The following MACF1 variants were observed in gnomAD, a reference collection of about 807,000 sequenced individuals.
The protein encoded by MACF1 is microtubule-actin cross-linking factor 1.
A neutral mutation model predicts 854.8 loss-of-function variants in MACF1; 193 were observed. The ratio of observed to expected loss-of-function variants is 0.23; its 90% confidence interval spans 0.20 to 0.25. The LOEUF is 0.25. MACF1 is among the 10% of genes least tolerant of loss of function. The pLI, the probability that MACF1 is intolerant of heterozygous loss-of-function variation, is 1.00. For synonymous variants in MACF1, 3,185 were observed against 3,226.7 expected (o/e 0.99, Z 0.44); for missense variants, 7,722 against 8,929.1 (o/e 0.86, Z 5.45).
In MACF1 at chr1:39,460,792, C is replaced by T; in HGVS notation, c.21521C>T (p.Ser7174Phe). 1 of 1,614,104 alleles carries T rather than the reference C, an allele frequency of 6.2e-7. No homozygotes were observed. Among genetic ancestry groups the T allele is most frequent in the Non-Finnish European group, 8.5e-7 (1 of 1,179,974 alleles). Residue 7174 changes from serine to phenylalanine, a missense_variant and splice_region_variant, in exon 92 of 101, where the codon TCC (serine) becomes TTC (phenylalanine). Ser to Phe is a radical substitution (Grantham distance 155, BLOSUM62 -2). Around this residue, in one of 15 missense-constraint regions of MACF1, gnomAD observed 153 missense variants for 342.5 expected, o/e 0.45. Transcript: ENST00000564288. The surrounding 1 kb of genome is among the most constrained non-coding windows in gnomAD (Gnocchi z 4.1). ...RQEFIDGILA[S>F]KFPTTKLEMT... ...GAGTTTATCGATGGCATTTTAGCAT[C>T]CAGTGAGTCTAGTCATCATTCCAAA...
In MACF1 at chr1:39,433,318, C is replaced by T. The variant is rs547910556; in HGVS notation, c.17565+163C>T. 5.3e-5 allele frequency among the ~76,000 whole-genome samples: 8 copies of T among 152,276 alleles called. No individual in the cohort carries two copies. In the South Asian group the frequency reaches 1.7e-3, roughly 32 times the overall value. On this transcript the variant is annotated intron_variant, in intron 68 of 100. Transcript: ENST00000564288. ...TTCTGGGGAATTCAGAATCTTAACC[C>T]TGTGTCCACAAATGTTTAAAACAGC...
chr1:39,412,880 TTGC>T (rs1275307704), intron 58 of MACF1: 1 of 1,608,028 alleles, frequency 6.2e-7, no homozygotes, highest in South Asian at 1.1e-5. Flanking sequence ...ACTGCTGTAG[TTGC>T]TGCTTTAGTG....
At chr1:39,188,395 G>A (rs534562915) in intron 2 of MACF1, among the ~76,000 whole-genome samples, 101 of 152,200 alleles carry the variant, frequency 6.6e-4, no homozygotes, top group African/African-American at 2.4e-3. Context: ...GCAACAGAGT[G>A]AGACCCTGTC....
At chr1:39,190,121 T>C (rs1644231922) in intron 2 of MACF1, among the ~76,000 whole-genome samples, 2 of 152,180 alleles carry the variant, frequency 1.3e-5, no homozygotes, top group African/African-American at 4.8e-5. Flanking sequence ...AAATCTGATA[T>C]GTGCTTATTT....
rs1322246837 is a variant in MACF1 at position 39,284,348 on chromosome 1, T to C, written c.1051T>C (p.Tyr351His). The C allele has an allele frequency of 1.3e-6, 2 of 1,598,126 alleles. No individual in the cohort carries two copies. The highest frequency in any genetic ancestry group is 1.7e-6 in the Non-Finnish European group (2 of 1,174,626). The change falls in exon 11 of 101, where the codon TAT becomes CAT. Residue 351 changes from tyrosine (Y) to histidine (H), a missense_variant. Transcript: ENST00000564288. ...PVELKALYNQ[Y>H]IHFKETEILA... ...AATTTTATAGGCACTTTATAACCAA[T>C]ATATACACTTCAAAGAAACAGAAAT...
At chr1:39,439,894 C>A (rs1644064053) in intron 72 of MACF1, among the ~76,000 whole-genome samples, 1 of 152,086 alleles carries the variant, frequency 6.6e-6, no homozygotes, top group Non-Finnish European at 1.5e-5. Context: ...GCGTGAGCCA[C>A]CACTCCAGGC....
At position 39,084,316 on chromosome 1, in the gene MACF1, G is replaced by T; in HGVS notation, c.98G>T (p.Ser33Ile). Reference sequence around the variant, plus strand: ...TCTTACAGGAGCGAGCGGTCGGGGAGCCTGTCTCCCTGTCCCCCAGGGGAC... The same window carrying T: ...TCTTACAGGAGCGAGCGGTCGGGGATCCTGTCTCCCTGTCCCCCAGGGGAC... The change falls in exon 2 of 94, where the codon AGC becomes ATC. Residue 33 changes from serine (S) to isoleucine (I), a missense_variant. Ser to Ile is a moderately radical substitution (Grantham distance 142). Transcript: ENST00000361689. This position sits in a 1 kb window ranked among gnomAD's most constrained non-coding sequence, Gnocchi z 5.2. 1 of 1,614,064 alleles carries T rather than the reference G, an allele frequency of 6.2e-7. No homozygotes were observed. Among genetic ancestry groups the T allele is most frequent in the Non-Finnish European group, 8.5e-7 (1 of 1,180,042 alleles).
chr1:39,471,123 T>C (rs1393286525), intron 97 of MACF1, among the ~76,000 whole-genome samples: 1 of 146,612 alleles, frequency 6.8e-6, no homozygotes, highest in East Asian at 2.0e-4. Context: ...TCTCAATCCA[T>C]TGACTGTGGA....
chr1:39,165,424 C>G (rs1431175320), intron 2 of MACF1, among the ~76,000 whole-genome samples: 2 of 152,168 alleles, frequency 1.3e-5, no homozygotes, highest in Admixed American at 1.3e-4. Flanking sequence ...TTTAGGCTTA[C>G]TGCATGTCAC....
At position 39,409,351 on chromosome 1, in the gene MACF1, C is replaced by T. The variant is rs1331124927; in HGVS notation, c.15817-13023C>T. Among the ~76,000 whole-genome samples the T allele has an allele frequency of 6.6e-6, 1 of 152,080 alleles. No individual in the cohort carries two copies. Among genetic ancestry groups the T allele is most frequent in the African/African-American group, 2.4e-5 (1 of 41,432 alleles). Reference sequence around the variant, plus strand: ...GCCCACAGCACTCGGGACTCAGCTGCCGGAGGGACAAACTAACTTCCTGAG... The same window carrying T: ...GCCCACAGCACTCGGGACTCAGCTGTCGGAGGGACAAACTAACTTCCTGAG... On this transcript the variant is annotated intron_variant, in intron 58 of 100. Coordinates refer to ENST00000564288, the MANE Select transcript of MACF1 (RefSeq NM_001394062.1). The surrounding 1 kb of genome is among the most constrained non-coding windows in gnomAD (Gnocchi z 4.2).
At chr1:39,258,473 A>G (rs538477948) in intron 6 of MACF1, among the ~76,000 whole-genome samples, 8 of 152,322 alleles carry the variant, frequency 5.3e-5, no homozygotes, top group Non-Finnish European at 7.3e-5. Context: ...GTTAATTAGA[A>G]TACTTTAGTA....
chr1:39,252,497 G>A (rs994992463), intron 4 of MACF1, among the ~76,000 whole-genome samples: 4 of 152,088 alleles, frequency 2.6e-5, no homozygotes, highest in African/African-American at 9.7e-5. Context: ...TGTTCTTAGG[G>A]TATTTATTTT....
At position 39,334,136 on chromosome 1, in the gene MACF1, T is replaced by C; in HGVS notation, c.7548T>C (p.Leu2516=). 3.1e-6 allele frequency: 5 copies of C among 1,614,138 alleles called. No individual in the cohort carries two copies. The highest frequency in any genetic ancestry group is 3.4e-6 in the Non-Finnish European group (4 of 1,180,016). The change falls in exon 37 of 101, where the codon CTT becomes CTC. Residue 2516 remains leucine, a synonymous_variant. Transcript: ENST00000564288. ...TTCACCATATATCTGGGATGAGACTTTCTGTTGATAATGCCTTCAGACATG... is the reference window on the plus strand; with the variant it reads ...TTCACCATATATCTGGGATGAGACTCTCTGTTGATAATGCCTTCAGACATG... ...GIIHHISGMR[L]SVDNAFRHGL...
chr1:39,453,122 G>C (rs1461274780), intron 87 of MACF1, among the ~76,000 whole-genome samples: 1 of 152,146 alleles, frequency 6.6e-6, no homozygotes, highest in Non-Finnish European at 1.5e-5. Flanking sequence ...ATACGCCTTT[G>C]TTTGCCTTAT....
intron 2 of MACF1, among the ~76,000 whole-genome samples, chr1:39,179,743 G>A (rs1029357357): frequency 2.0e-5 from 3 of 152,068 alleles, no homozygotes; most frequent in Admixed American, 6.6e-5. Context: ...TGCCAGGCGC[G>A]GTGGCTCATG....
intron 2 of MACF1, among the ~76,000 whole-genome samples, chr1:39,102,434 C>CGG (rs10566264): frequency 3.5e-4 from 24 of 69,410 alleles, no homozygotes; most frequent in South Asian, 1.7e-3. Context: ...TAATTGGAGG[C>CGG]GGGGGGGGGG....
chr1:39,154,780 C>G (rs2148200531), intron 2 of MACF1, among the ~76,000 whole-genome samples: 1 of 152,118 alleles, frequency 6.6e-6, no homozygotes, highest in East Asian at 1.9e-4. Context: ...AGGACCACAT[C>G]TCAGGCACTG....
intron 97 of MACF1, among the ~76,000 whole-genome samples, chr1:39,471,493 C>T (rs905752624): frequency 6.6e-6 from 1 of 152,160 alleles, no homozygotes; most frequent in Admixed American, 6.5e-5. Flanking sequence ...TCCTTTTACA[C>T]AGCTATTTTA....
At chr1:39,093,305 C>CTTTTTTTT (rs34921076) in intron 2 of MACF1, among the ~76,000 whole-genome samples, 2 of 54,122 alleles carry the variant, frequency 3.7e-5, no homozygotes, top group Non-Finnish European at 6.5e-5. Flanking sequence ...TACTCCACTT[C>CTTTTTTTT]TTTTTTTTTT....
Sources: gnomAD v4.1 joint callset for allele counts (sites outside exome capture counted in the v4.1 genomes callset) on GRCh38, gnomAD v4.1.1 for gene constraint, gnomAD v4.1.1 regional missense constraint, Gnocchi (gnomAD v3.1) non-coding constraint, MANE v1.5 for transcripts, NCBI Gene and HGNC (gene_info 2026-07-23, HGNC 2026-07-21) for gene names.